Variants in LAMC3 observed in about 807,000 individuals in gnomAD.
LAMC3 encodes laminin subunit gamma 3.
In LAMC3, 128 loss-of-function variants were observed where a neutral mutation model predicts 173.8. The observed-to-expected ratio is 0.74, with a 90% CI of 0.64 to 0.85. The LOEUF (loss-of-function observed/expected upper bound fraction) is 0.85, where lower values mean the gene tolerates loss of function less well. Among genes scored for constraint, LAMC3 ranks in the 40% least tolerant of loss-of-function variants. The pLI is 0.00. For missense variants in LAMC3, 2,022 were observed against 2,156.0 expected, an observed-to-expected ratio of 0.94 and a Z score of 1.23; for synonymous variants, 897 against 909.1, an observed-to-expected ratio of 0.99 and a Z score of 0.24.
At chr9:131,077,479 C>A in intron 22 of LAMC3, 145 bp downstream of exon 22, 2 of 987,680 alleles carry the variant, frequency 2.0e-6, no homozygotes, top group South Asian at 1.4e-5. Flanking sequence ...GAGTTTGAGA[C>A]CACCTGGGCC....
Position 131,052,995 on chromosome 9 carries a change from C to G in LAMC3, c.1939+30C>G, listed in dbSNP as rs1337013143. On this transcript the variant is annotated intron_variant, in intron 11 of 27. Transcript: ENST00000361069. ...GTAAAGACAACCACATGCCCAAGAC[C>G]CGAGTGCTTGCCAGGTCTCAGAACT... is the stretch of plus-strand genomic sequence containing the variant. 3 of 1,509,450 alleles carry G rather than the reference C, an allele frequency of 2.0e-6. No individual in the cohort carries two copies. The East Asian group carries it at 6.8e-5, about 34-fold the overall frequency. The allele number at this position is 1,509,450 out of a possible 1,614,324, so 93.5% of individuals were successfully genotyped here.
rs945455018 is a variant in LAMC3 at position 131,092,241 on chromosome 9, A to G, written c.*454A>G. ...TGAGATGCCCTGGGGTGCTACATCC[A>G]CTCACTCCAGATAGCAGGGAGGTCT... is the stretch of plus-strand genomic sequence containing the variant. On this transcript the variant is annotated 3_prime_UTR_variant, in exon 28 of 28. Coordinates refer to ENST00000361069, the MANE Select transcript of LAMC3 (RefSeq NM_006059.4). The G allele has an allele frequency of 8.4e-6, 2 of 236,900 alleles. No individual in the cohort carries two copies. The highest frequency in any genetic ancestry group is 4.5e-5 in the African/African-American group (2 of 44,782). 14.7% of individuals were successfully genotyped at this position (236,900 alleles called of 1,614,324 possible).
At chr9:131,054,200 A>G (rs750316458) in intron 11 of LAMC3, among the ~76,000 whole-genome samples, 2 of 152,080 alleles carry the variant, frequency 1.3e-5, no homozygotes, top group East Asian at 3.9e-4. Flanking sequence ...ATGACAACCA[A>G]CATGTCCTCA....
At chr9:131,012,139 C>T (rs1325919545) in intron 1 of LAMC3, among the ~76,000 whole-genome samples, 2 of 151,872 alleles carry the variant, frequency 1.3e-5, no homozygotes, top group African/African-American at 4.8e-5. Context: ...GTTTTGTCGC[C>T]GAAAACCAGG....
At chr9:131,052,118 G>A (rs552536556) in intron 9 of LAMC3, among the ~76,000 whole-genome samples, 2 of 152,242 alleles carry the variant, frequency 1.3e-5, no homozygotes, top group African/African-American at 4.8e-5. Context: ...TAGGAATTTC[G>A]TGCTCATGGG....
rs142926885 is a variant in LAMC3 at position 131,038,482 on chromosome 9, G to C, written c.977-382G>C. Among the ~76,000 whole-genome samples, 390 of 152,284 alleles carry C rather than the reference G, an allele frequency of 2.6e-3. 3 individuals are homozygous for C. Among genetic ancestry groups the C allele is most frequent in the African/African-American group, 8.9e-3 (368 of 41,564 alleles). ...CCTGAGTGACCTCACACAATAGTGA[G>C]AGTCACACTATTATGGCTTGGAGGA... is the stretch of plus-strand genomic sequence containing the variant. On this transcript the variant is annotated intron_variant, in intron 4 of 27. Coordinates refer to ENST00000361069, the MANE Select transcript of LAMC3 (RefSeq NM_006059.4).
chr9:131,022,073 G>T (rs545483451), intron 1 of LAMC3, among the ~76,000 whole-genome samples: 1 of 152,094 alleles, frequency 6.6e-6, no homozygotes, highest in Non-Finnish European at 1.5e-5. Flanking sequence ...TAAGACCCAC[G>T]GTCAGAAAGG....
Position 131,077,176 on chromosome 9 carries a change from C to T in LAMC3, c.3630-11C>T, listed in dbSNP as rs1342896719. ...TCTGCACCCAGCTCCGTGGCCTCTG[C>T]TTCCTCCCAGGTACCAGGAGGTCCA... On this transcript the variant is annotated splice_polypyrimidine_tract_variant and intron_variant, in intron 21 of 27. Transcript: ENST00000361069. 2 of 1,613,144 alleles carry T rather than the reference C, an allele frequency of 1.2e-6. No individual in the cohort carries two copies. The highest frequency in any genetic ancestry group is 2.2e-5 in the East Asian group (1 of 44,878).
rs146625766 is a variant in LAMC3 at position 131,060,823 on chromosome 9, T to G, written c.2159-212T>G. On this transcript the variant is annotated intron_variant, in intron 12 of 27. Coordinates refer to ENST00000361069, the MANE Select transcript of LAMC3 (RefSeq NM_006059.4). Reference sequence around the variant, plus strand: ...TGAGGTGTGGGGGCATCAGACAACTTGCCCAGCTTTGCACAGGCAGTAAGT... The same window carrying G: ...TGAGGTGTGGGGGCATCAGACAACTGGCCCAGCTTTGCACAGGCAGTAAGT... 5.7e-4 allele frequency among the ~76,000 whole-genome samples: 87 copies of G among 152,230 alleles called. 1 individual carries two copies. In the East Asian group the frequency reaches 0.015, roughly 27 times the overall value.
intron 1 of LAMC3, among the ~76,000 whole-genome samples, chr9:131,017,824 G>A (rs1245572190): frequency 6.0e-5 from 9 of 150,594 alleles, no homozygotes; most frequent in South Asian, 2.1e-4. Context: ...TCAAGAGTTC[G>A]AGACCAGCCT....
chr9:131,057,956 G>A (rs1260909367), intron 12 of LAMC3, among the ~76,000 whole-genome samples: 1 of 152,198 alleles, frequency 6.6e-6, no homozygotes, highest in Non-Finnish European at 1.5e-5. Context: ...CTGCGGGGCC[G>A]GGACCCTTCC....
intron 22 of LAMC3, among the ~76,000 whole-genome samples, chr9:131,078,902 C>T (rs547412927): frequency 2.3e-4 from 35 of 152,356 alleles, no homozygotes; most frequent in African/African-American, 7.9e-4. Context: ...AGCCTGGCTC[C>T]TCTCGCCCTG....
At position 131,009,246 on chromosome 9, in the gene LAMC3, C is replaced by A; in HGVS notation, c.32C>A (p.Ala11Glu). MAAAALLLGLALLAPRAAGAG... is the reference protein window; with the variant it reads MAAAALLLGLELLAPRAAGAG... Reference sequence around the variant, plus strand: ...GCGGCTGCGCTTCTGCTGGGGCTGGCGCTGCTGGCACCGCGGGCGGCCGGC... The same window carrying A: ...GCGGCTGCGCTTCTGCTGGGGCTGGAGCTGCTGGCACCGCGGGCGGCCGGC... The change falls in exon 1 of 28, where the codon GCG (alanine) becomes GAG (glutamate). Residue 11 changes from alanine to glutamate, a missense_variant. By Grantham distance (107) the Ala-to-Glu change is moderately radical. Transcript: ENST00000361069. The surrounding 1 kb of genome is among the most constrained non-coding windows in gnomAD (Gnocchi z 4.3). The A allele has an allele frequency of 1.6e-6, 2 of 1,284,396 alleles. No homozygotes were observed. Among genetic ancestry groups the A allele is most frequent in the South Asian group, 2.4e-5 (1 of 41,322 alleles). The allele number at this position is 1,284,396 out of a possible 1,614,324, so 79.6% of individuals were successfully genotyped here.
chr9:131,041,204 T>C (rs1834047973), intron 6 of LAMC3, among the ~76,000 whole-genome samples: 2 of 151,844 alleles, frequency 1.3e-5, no homozygotes, highest in African/African-American at 4.8e-5. Context: ...CTGTCTCTAC[T>C]AAAAATACAA....
chr9:131,047,130 A>G (rs1834181287), intron 8 of LAMC3, among the ~76,000 whole-genome samples: 1 of 147,172 alleles, frequency 6.8e-6, no homozygotes, highest in Non-Finnish European at 1.5e-5. Flanking sequence ...GCCCTTGCGC[A>G]GGAGTTCTCA....
At chr9:131,085,755 C>A (rs1272324369) in intron 25 of LAMC3, 32 bp downstream of exon 25, 1 of 1,607,342 alleles carries the variant, frequency 6.2e-7, no homozygotes, top group Non-Finnish European at 8.5e-7. Flanking sequence ...ACAGTGGCCT[C>A]CTTCCCTCCC....
At chr9:131,083,039 G>A (rs1830267979) in intron 24 of LAMC3, among the ~76,000 whole-genome samples, 3 of 152,326 alleles carry the variant, frequency 2.0e-5, no homozygotes, top group South Asian at 2.1e-4. Flanking sequence ...AGGCGTGGCC[G>A]TGTGTGCTTA....
intron 23 of LAMC3, among the ~76,000 whole-genome samples, chr9:131,081,284 T>C (rs1470040605): frequency 2.6e-5 from 4 of 152,364 alleles, no homozygotes. Context: ...GAAGCACATT[T>C]TGTTTACCCA....
rs1226216375 is a variant in LAMC3, at chr9:131,088,713, C to G, written c.4477+896C>G. 3.3e-5 allele frequency among the ~76,000 whole-genome samples: 5 copies of G among 152,110 alleles called. 1 individual carries two copies. In the South Asian group the frequency reaches 1.0e-3, roughly 32 times the overall value. ...CATCATCTCCAACTGAAGCTCTGTC[C>G]TCCTGAAACACTAACCCCCCATTTC... On this transcript the variant is annotated intron_variant, in intron 27 of 27. Coordinates refer to ENST00000361069, the MANE Select transcript of LAMC3 (RefSeq NM_006059.4).
Sources: gnomAD v4.1 joint callset for allele counts (sites outside exome capture counted in the v4.1 genomes callset) on GRCh38, gnomAD v4.1.1 for gene constraint, Gnocchi (gnomAD v3.1) non-coding constraint, MANE v1.5 for transcripts, NCBI Gene and HGNC (gene_info 2026-07-23, HGNC 2026-07-21) for gene names.